The following UNC79 variants were observed in gnomAD, a reference collection of about 807,000 sequenced individuals.
UNC79 encodes unc-79 subunit of NALCN channel complex.
Under a neutral mutation model 283.1 loss-of-function variants are expected in UNC79, and 37 were observed. That is an observed-to-expected ratio of 0.13 (90% CI 0.10 to 0.17). The LOEUF is 0.17. Ranked by LOEUF, UNC79 falls within the 10% of genes least tolerant of loss-of-function variation. UNC79 has a pLI of 1.00. For synonymous variants in UNC79, 1,107 were observed against 1,200.2 expected (o/e 0.92, Z 1.61); for missense variants, 2,272 against 3,211.1 (o/e 0.71, Z 7.07).
At chr14:93,587,211 A>AT (rs1825981046) in intron 22 of UNC79, among the ~76,000 whole-genome samples, 1 of 152,210 alleles carries the variant, frequency 6.6e-6, no homozygotes, top group African/African-American at 2.4e-5. Flanking sequence ...ATGCCAAAAA[A>AT]TACGTTAATA....
At chr14:93,691,621 T>C (rs2074706090) in intron 45 of UNC79, 128 bp from the exon 49 acceptor site, 2 of 899,296 alleles carry the variant, frequency 2.2e-6, no homozygotes, top group South Asian at 2.9e-5. Context: ...TTTGTAACTC[T>C]GAGATAACGT....
At position 93,617,722 on chromosome 14, in the gene UNC79, G is replaced by A. The variant is rs867400855; in HGVS notation, c.4224+418G>A. Among the ~76,000 whole-genome samples, 1 of 152,136 alleles carries A rather than the reference G, an allele frequency of 6.6e-6. No individual in the cohort carries two copies. Among genetic ancestry groups the A allele is most frequent in the African/African-American group, 2.4e-5 (1 of 41,426 alleles). On this transcript the variant is annotated intron_variant, in intron 28 of 48. Transcript: ENST00000555664. The surrounding 1 kb of genome is among the most constrained non-coding windows in gnomAD (Gnocchi z 4.5). ...TTGCTGTCAGTGGTTTGGTGAAGGA[G>A]GAAATGAATATGGTCCCTTGTAAAA...
At chr14:93,678,645 A>G (rs1420357285) in intron 41 of UNC79, among the ~76,000 whole-genome samples, 1 of 152,242 alleles carries the variant, frequency 6.6e-6, no homozygotes, top group African/African-American at 2.4e-5. Flanking sequence ...TTTAATTCCT[A>G]GAAGTTCTCC....
At position 93,467,662 on chromosome 14, in the gene UNC79, T is replaced by TTG; in HGVS notation, c.23-8_23-7insGT. ...TTTTTTTTTTTTTTTTTTTTTTGCT[T>TTG]TTATCTAGTTGCTTCCAAGATCCGG... On this transcript the variant is annotated splice_polypyrimidine_tract_variant and intron_variant, in intron 1 of 48. Coordinates refer to ENST00000555664, the Ensembl canonical transcript of UNC79. The TTG allele has an allele frequency of 8.0e-7, 1 of 1,244,300 alleles. No homozygotes were observed. The highest frequency in any genetic ancestry group is 1.0e-6 in the Non-Finnish European group (1 of 997,804). 77.1% of individuals were successfully genotyped at this position (1,244,300 alleles called of 1,614,324 possible).
intron 40 of UNC79, among the ~76,000 whole-genome samples, chr14:93,666,407 A>G (rs1179717615): frequency 1.3e-5 from 2 of 152,170 alleles, no homozygotes; most frequent in Non-Finnish European, 2.9e-5. Context: ...TAAAGACAGC[A>G]AGAAAATTTA....
rs1415980804 is a variant in UNC79, at chr14:93,608,002, A to C, written c.3754+4584A>C. On this transcript the variant is annotated intron_variant, in intron 26 of 48. Transcript: ENST00000555664. The stretch of plus-strand genomic sequence containing the variant: ...CTTGTTTGAAGATATGTTTTTTGGA[A>C]GTGACAATTTTTGTTCAACAAATAT... Among the ~76,000 whole-genome samples, 3 of 152,316 alleles carry C rather than the reference A, an allele frequency of 2.0e-5. No homozygotes were observed. In the East Asian group the frequency reaches 5.8e-4, roughly 29 times the overall value.
intron 4 of UNC79, 89 bp downstream of exon 4, chr14:93,477,817 G>A: frequency 8.1e-7 from 1 of 1,241,638 alleles, no homozygotes; most frequent in Non-Finnish European, 1.1e-6. Flanking sequence ...AGTTTTTCGA[G>A]ATTATAATGG....
At chr14:93,707,260 AG>A (rs1328544835), downstream of UNC79, 1 of 193,440 alleles carries the variant, frequency 5.2e-6, no homozygotes, top group African/African-American at 2.3e-5. Context: ...GAGAATAAAT[AG>A]GGTTTTTGAA....
intron 14 of UNC79, among the ~76,000 whole-genome samples, chr14:93,570,703 G>A (rs2063162763): frequency 6.6e-6 from 1 of 152,112 alleles, no homozygotes; most frequent in South Asian, 2.1e-4. Context: ...TCCCCTATGG[G>A]TAATTAGGAC....
At chr14:93,692,594 G>A (rs566062801) in intron 46 of UNC79, among the ~76,000 whole-genome samples, 1 of 152,250 alleles carries the variant, frequency 6.6e-6, no homozygotes, top group South Asian at 2.1e-4. Context: ...TTCCACTCAG[G>A]CCTCAAAGCC....
chr14:93,532,285 A>T (rs1246649401), intron 10 of UNC79, among the ~76,000 whole-genome samples: 2 of 140,448 alleles, frequency 1.4e-5, no homozygotes, highest in Non-Finnish European at 3.0e-5. Context: ...TGAGAAACAT[A>T]GTAAGACCCC....
intron 25 of UNC79, among the ~76,000 whole-genome samples, chr14:93,602,488 T>G (rs1467207030): frequency 6.6e-6 from 1 of 152,254 alleles, no homozygotes; most frequent in Non-Finnish European, 1.5e-5. Flanking sequence ...AGTACCATGC[T>G]GTTTTGGTAA....
At chr14:93,699,244 AT>A (rs1312413432) in intron 47 of UNC79, among the ~76,000 whole-genome samples, 1 of 152,030 alleles carries the variant, frequency 6.6e-6, no homozygotes, top group Non-Finnish European at 1.5e-5. Flanking sequence ...TATATTTCAC[AT>A]CTGTTCTTTG....
intron 4 of UNC79, among the ~76,000 whole-genome samples, chr14:93,486,671 AAAAAAAAG>A: frequency 6.6e-6 from 1 of 150,804 alleles, no homozygotes; most frequent in African/African-American, 2.4e-5. Context: ...AAAAAAAAAA[AAAAAAAAG>A]AAAGAAAGTC....
At chr14:93,512,451 G>C (rs2059871955) in intron 7 of UNC79, among the ~76,000 whole-genome samples, 1 of 151,930 alleles carries the variant, frequency 6.6e-6, no homozygotes, top group Non-Finnish European at 1.5e-5. Context: ...GGAAAAATTT[G>C]GGATATTATT....
chr14:93,456,261 A>G (rs900468307), intron 1 of UNC79, among the ~76,000 whole-genome samples: 4 of 152,106 alleles, frequency 2.6e-5, no homozygotes, highest in Non-Finnish European at 5.9e-5. Context: ...TTATTTGTTA[A>G]TGTTGAGTAT....
chr14:93,600,888 C>A, intron 25 of UNC79, 118 bp downstream of exon 25: 1 of 1,039,526 alleles, frequency 9.6e-7, no homozygotes, highest in Non-Finnish European at 1.4e-6. Flanking sequence ...TGACCTCATG[C>A]ACTCAATTCA....
At chr14:93,412,904 A>AC (rs2055364159) in intron 1 of UNC79, among the ~76,000 whole-genome samples, 1 of 152,162 alleles carries the variant, frequency 6.6e-6, no homozygotes, top group South Asian at 2.1e-4. Context: ...TACTTCAATC[A>AC]GAAAAAAATG....
intron 39 of UNC79, among the ~76,000 whole-genome samples, chr14:93,660,870 A>G (rs890476522): frequency 5.9e-5 from 9 of 152,000 alleles, no homozygotes; most frequent in Middle Eastern, 3.2e-3. Flanking sequence ...GATTACAGGC[A>G]TGTCCCACTG....
Sources: gnomAD v4.1 joint callset for allele counts (sites outside exome capture counted in the v4.1 genomes callset) on GRCh38, gnomAD v4.1.1 for gene constraint, Gnocchi (gnomAD v3.1) non-coding constraint, MANE v1.5 for transcripts, NCBI Gene and HGNC (gene_info 2026-07-23, HGNC 2026-07-21) for gene names.